Variants in KLF12 observed in about 807,000 individuals in gnomAD.
KLF12 encodes KLF transcription factor 12, also known as Krueppel-like factor 12.
Under a neutral mutation model 37.8 loss-of-function variants are expected in KLF12, and 9 were observed. The observed-to-expected ratio is 0.24, with a 90% CI of 0.14 to 0.42. The LOEUF is 0.42. Ranked by LOEUF, KLF12 falls within the 10% of genes least tolerant of loss-of-function variation. The probability of loss-of-function intolerance (pLI) is 1.00; values close to 1 mark genes in which losing one functional copy is unlikely to be tolerated. For missense variants in KLF12, 411 were observed against 516.0 expected (o/e 0.80, Z 1.97); for synonymous variants, 208 against 202.1 (o/e 1.03, Z -0.25).
intron 1 of KLF12, among the ~76,000 whole-genome samples, chr13:74,082,729 A>G (rs1445440328): frequency 1.3e-5 from 2 of 152,146 alleles, no homozygotes; most frequent in East Asian, 3.9e-4. Flanking sequence ...TATAACTTTT[A>G]TCTCTTGTGA....
chr13:73,759,682 C>A (rs1395287002), intron 6 of KLF12, among the ~76,000 whole-genome samples: 1 of 152,130 alleles, frequency 6.6e-6, no homozygotes, highest in Non-Finnish European at 1.5e-5. Flanking sequence ...CACAGAGAGG[C>A]TTGGATTTAT....
chr13:74,164,521 A>G, the KLF12 span, among the ~76,000 whole-genome samples: 1 of 152,224 alleles, frequency 6.6e-6, no homozygotes, highest in African/African-American at 2.4e-5. Context: ...AATTATTTTT[A>G]AAATGTTAGT....
chr13:74,132,131 A>G (rs1566228144), intron 1 of KLF12, among the ~76,000 whole-genome samples: 2 of 151,918 alleles, frequency 1.3e-5, no homozygotes, highest in East Asian at 3.9e-4. Flanking sequence ...TCCTTGAGGG[A>G]GGGGGGGTCC....
At chr13:73,835,755 T>C (rs943713133) in intron 4 of KLF12, among the ~76,000 whole-genome samples, 3 of 152,158 alleles carry the variant, frequency 2.0e-5, no homozygotes, top group African/African-American at 7.2e-5. Context: ...AACAAGTTAA[T>C]GAACAAAAGT....
At chr13:74,077,687 A>T (rs908006523) in intron 1 of KLF12, among the ~76,000 whole-genome samples, 2 of 152,222 alleles carry the variant, frequency 1.3e-5, no homozygotes, top group Admixed American at 6.5e-5. Context: ...GCAGTGTTTA[A>T]GAAATCATTT....
intron 6 of KLF12, among the ~76,000 whole-genome samples, chr13:73,755,839 A>T (rs1328683180): frequency 2.0e-5 from 3 of 151,928 alleles, no homozygotes; most frequent in African/African-American, 7.3e-5. Context: ...CTTATGAGTG[A>T]GAACATACGA....
intron 3 of KLF12, among the ~76,000 whole-genome samples, chr13:73,942,532 A>G (rs1014543309): frequency 1.1e-4 from 16 of 152,298 alleles, no homozygotes; most frequent in Middle Eastern, 3.4e-3. Context: ...GGTTGAAACT[A>G]TCTATAAGGT....
At chr13:74,148,235 A>G in the KLF12 span, among the ~76,000 whole-genome samples, 1 of 151,832 alleles carries the variant, frequency 6.6e-6, no homozygotes, top group African/African-American at 2.4e-5. Context: ...CTTTTGCATC[A>G]CTAGTTTTTC....
chr13:73,894,671 C>T (rs1230851832), intron 3 of KLF12, among the ~76,000 whole-genome samples: 1 of 152,002 alleles, frequency 6.6e-6, no homozygotes, highest in Non-Finnish European at 1.5e-5. Flanking sequence ...CTTTTTGTAT[C>T]GCATATACAC....
rs1874068519 is a variant in KLF12, at chr13:73,695,379, G to A, written c.*111C>T. 7.8e-6 allele frequency: 8 copies of A among 1,023,764 alleles called. No homozygotes were observed. The highest frequency in any genetic ancestry group is 4.7e-5 in the South Asian group (3 of 63,426). The allele number at this position is 1,023,764 out of a possible 1,614,324, so 63.4% of individuals were successfully genotyped here. ...TTTTCCTGCTCTGGTTTCAGACATC[G>A]TGGGATGGTGATGCCCTTTTGTGTT... On this transcript the variant is annotated 3_prime_UTR_variant, in exon 8 of 8. Transcript: ENST00000377669.
Position 73,800,546 on chromosome 13 carries a change from T to C in KLF12, c.806+12606A>G, listed in dbSNP as rs150375199. The C allele has an allele frequency of 1.3e-3, 201 of 152,164 alleles. 1 individual carries two copies. The highest frequency in any genetic ancestry group is 4.5e-3 in the African/African-American group (186 of 41,566). The allele number at this position is 152,164 out of a possible 1,614,324, so 9.4% of individuals were successfully genotyped here. A position where few individuals can be genotyped will look rare whatever the true frequency, so the allele number is the denominator to read the frequency against. ...AGCTCTCCTTCTGCTAGGAGGAAAATATTTCCTCACCCTACTGATGTTGGG... is the reference window on the plus strand; with the variant it reads ...AGCTCTCCTTCTGCTAGGAGGAAAACATTTCCTCACCCTACTGATGTTGGG... On this transcript the variant is annotated intron_variant, in intron 5 of 7. Transcript: ENST00000377669.
chr13:74,240,151 T>C, the KLF12 span, among the ~76,000 whole-genome samples: 1 of 152,174 alleles, frequency 6.6e-6, no homozygotes, highest in East Asian at 1.9e-4. Flanking sequence ...GGTGACAAAG[T>C]CTCTCAGCAT....
At chr13:73,764,346 A>T (rs983219317) in intron 6 of KLF12, among the ~76,000 whole-genome samples, 1 of 152,172 alleles carries the variant, frequency 6.6e-6, no homozygotes, top group Non-Finnish European at 1.5e-5. Context: ...AACACTTTAA[A>T]TCGCTTCTCT....
chr13:73,812,633 C>A (rs1300914555), intron 5 of KLF12, among the ~76,000 whole-genome samples: 1 of 151,276 alleles, frequency 6.6e-6, no homozygotes, highest in South Asian at 2.1e-4. Flanking sequence ...TTTCAATAAA[C>A]GAGGGCTGAA....
At chr13:73,792,497 C>T (rs943310166) in intron 5 of KLF12, among the ~76,000 whole-genome samples, 3 of 151,976 alleles carry the variant, frequency 2.0e-5, no homozygotes, top group Admixed American at 1.3e-4. Flanking sequence ...CTTTAGCAGG[C>T]CATTTTGCAG....
chr13:74,007,750 T>A (rs752041481), intron 1 of KLF12, among the ~76,000 whole-genome samples: 2 of 152,132 alleles, frequency 1.3e-5, no homozygotes, highest in Non-Finnish European at 2.9e-5. Context: ...AGAATTAACA[T>A]GAATTTAGTA....
chr13:74,146,570 T>C, the KLF12 span, among the ~76,000 whole-genome samples: 1 of 152,240 alleles, frequency 6.6e-6, no homozygotes, highest in Non-Finnish European at 1.5e-5. Flanking sequence ...CTGTCTAATA[T>C]GTTTTCTTTT....
In KLF12 at chr13:73,864,818, T is replaced by A. The variant is rs1386059468; in HGVS notation, c.124-18445A>T. ...TGAAGGAATATATATGCGATAAAAG[T>A]GGTACATAAAAGACCATAAAAATAA... On this transcript the variant is annotated intron_variant, in intron 3 of 7. Coordinates refer to ENST00000377669, the MANE Select transcript of KLF12 (RefSeq NM_007249.5). 2.6e-5 allele frequency among the ~76,000 whole-genome samples: 4 copies of A among 152,140 alleles called. No individual in the cohort carries two copies. In the East Asian group the frequency reaches 7.7e-4, roughly 29 times the overall value.
intron 1 of KLF12, among the ~76,000 whole-genome samples, chr13:74,058,792 T>G (rs1873409143): frequency 6.6e-6 from 1 of 152,178 alleles, no homozygotes; most frequent in Non-Finnish European, 1.5e-5. Context: ...TTGTTCTTAT[T>G]TTCTACTTAT....
Sources: gnomAD v4.1 joint callset for allele counts (sites outside exome capture counted in the v4.1 genomes callset) on GRCh38, gnomAD v4.1.1 for gene constraint, MANE v1.5 for transcripts, NCBI Gene and HGNC (gene_info 2026-07-23, HGNC 2026-07-21) for gene names.